Variants in GADL1 observed in about 807,000 individuals in gnomAD.
GADL1 encodes the protein GAD like acidic amino acid decarboxylase 1.
GADL1 carries 71 observed loss-of-function variants against 69.5 expected under a neutral mutation model. The ratio of observed to expected loss-of-function variants is 1.02; its 90% CI spans 0.84 to 1.25. The LOEUF (loss-of-function observed/expected upper bound fraction) is 1.25, where lower values mean the gene tolerates loss of function less well. Ranked by LOEUF, GADL1 falls within the 50% of genes most tolerant of loss-of-function variation. The pLI is 0.00. For missense variants in GADL1, 737 were observed against 631.8 expected (o/e 1.17, Z -1.79); for synonymous variants, 254 against 214.4 (o/e 1.18, Z -1.62).
At chr3:30,839,820 GAAGAA>G (rs1170546046) in intron 8 of GADL1, among the ~76,000 whole-genome samples, 1 of 152,052 alleles carries the variant, frequency 6.6e-6, no homozygotes, top group Non-Finnish European at 1.5e-5. Flanking sequence ...GGGAAATAGA[GAAGAA>G]AAGGGAGAAT....
chr3:30,779,939 A>C (rs1342590511), intron 13 of GADL1, among the ~76,000 whole-genome samples: 1 of 152,154 alleles, frequency 6.6e-6, no homozygotes, highest in East Asian at 1.9e-4. Context: ...GCTCACTTTC[A>C]TGGGTCTCCT....
intron 11 of GADL1, among the ~76,000 whole-genome samples, chr3:30,824,226 G>A (rs920341705): frequency 6.6e-6 from 1 of 151,440 alleles, no homozygotes; most frequent in African/African-American, 2.4e-5. Flanking sequence ...TATCATTAAA[G>A]GAATGACAGT....
rs1232647623 is a variant in GADL1 at position 30,786,410 on chromosome 3, A to G, written c.1251-4T>C. 1 of 1,398,302 alleles carries G rather than the reference A, an allele frequency of 7.2e-7. No homozygotes were observed. Among genetic ancestry groups the G allele is most frequent in the Non-Finnish European group, 1.0e-6 (1 of 986,244 alleles). The allele number at this position is 1,398,302 out of a possible 1,614,324, so 86.6% of individuals were successfully genotyped here. A position where few individuals can be genotyped will look rare whatever the true frequency, so the allele number is the denominator to read the frequency against. Reference sequence around the variant, plus strand: ...CTTGATTTCATCTACTAGGTACCTAAAATTAAAAGTCACAATAATATTTAT... The same window carrying G: ...CTTGATTTCATCTACTAGGTACCTAGAATTAAAAGTCACAATAATATTTAT... On this transcript the variant is annotated splice_polypyrimidine_tract_variant and splice_region_variant and intron_variant, in intron 12 of 14. Coordinates refer to ENST00000282538, the MANE Select transcript of GADL1 (RefSeq NM_207359.3).
intron 1 of GADL1, among the ~76,000 whole-genome samples, chr3:30,871,206 G>A (rs1698477442): frequency 6.6e-6 from 1 of 151,548 alleles, no homozygotes; most frequent in South Asian, 2.1e-4. Flanking sequence ...GAGTTCAGCT[G>A]TTACTTACTG....
At chr3:30,838,900 G>A in intron 9 of GADL1, 97 bp downstream of exon 9, 1 of 671,174 alleles carries the variant, frequency 1.5e-6, no homozygotes. Context: ...AAAAGCGTTG[G>A]GGACTCCACA....
chr3:30,786,542 C>G (rs2125499950), intron 12 of GADL1, 136 bp from the exon 13 acceptor site: 2 of 624,336 alleles, frequency 3.2e-6, no homozygotes, highest in East Asian at 2.8e-5. Flanking sequence ...ACAGGCAGAG[C>G]TATGGATAGA....
chr3:30,753,670 C>A (rs1370189600), intron 14 of GADL1, among the ~76,000 whole-genome samples: 1 of 152,136 alleles, frequency 6.6e-6, no homozygotes, highest in East Asian at 1.9e-4. Context: ...TAGAGAATCC[C>A]AGTTCATATT....
intron 11 of GADL1, among the ~76,000 whole-genome samples, chr3:30,814,234 C>T (rs553365091): frequency 1.3e-5 from 2 of 152,242 alleles, no homozygotes; most frequent in South Asian, 4.1e-4. Context: ...ATAATTTGAA[C>T]ACAAATCTTG....
chr3:30,776,264 T>C (rs916148635), intron 14 of GADL1, among the ~76,000 whole-genome samples: 14 of 152,206 alleles, frequency 9.2e-5, no homozygotes, highest in African/African-American at 3.4e-4. Flanking sequence ...ATTTCTAGCT[T>C]AGTGAGAAAA....
At position 30,844,223 on chromosome 3, in the gene GADL1, T is replaced by C; in HGVS notation, c.773A>G (p.Gln258Arg). Residue 258 changes from glutamine (Q) to arginine (R), a missense_variant, in exon 8 of 15, where the codon CAA (glutamine) becomes CGA (arginine). Coordinates refer to ENST00000282538, the MANE Select transcript of GADL1 (RefSeq NM_207359.3). ...IPEELEKQVWQARKEGAAPFL... is the reference protein window; with the variant it reads ...IPEELEKQVWRARKEGAAPFL... The stretch of plus-strand genomic sequence containing the variant: ...CTCCCCTCTCACCTCTTTTCTGGCT[T>C]GCCAGACTTGCTTCTCCAGTTCCTC... 6.2e-7 allele frequency: 1 copy of C among 1,612,786 alleles called. No homozygotes were observed. The highest frequency in any genetic ancestry group is 1.1e-5 in the South Asian group (1 of 90,848).
At chr3:30,728,439 G>A (rs12054099) in intron 14 of GADL1, 24 bp from the exon 15 acceptor site, 165,762 of 1,602,162 alleles carry the variant, frequency 0.1, 9,927 homozygotes, top group East Asian at 0.23. Context: ...AAAGGGGAGA[G>A]GGGTGAAAGA....
At chr3:30,763,706 G>T (rs376168722) in intron 14 of GADL1, among the ~76,000 whole-genome samples, 3 of 152,172 alleles carry the variant, frequency 2.0e-5, no homozygotes, top group East Asian at 3.9e-4. Flanking sequence ...CATCAAAATT[G>T]CAACAGTTTC....
chr3:30,738,753 A>T (rs377049627), intron 14 of GADL1, among the ~76,000 whole-genome samples: 9 of 152,304 alleles, frequency 5.9e-5, no homozygotes, highest in Non-Finnish European at 1.3e-4. Context: ...ACTGCCTATT[A>T]CAATAAGTGG....
rs546298082 is a variant in GADL1 at position 30,838,357 on chromosome 3, G to A, written c.903+640C>T. On this transcript the variant is annotated intron_variant, in intron 9 of 14. Coordinates refer to ENST00000282538, the MANE Select transcript of GADL1 (RefSeq NM_207359.3). ...ATTTTTAAAGTTACCTTCGATTTAAGGAAATATGTATTTTGAATAACCGCA... is the reference window on the plus strand; with the variant it reads ...ATTTTTAAAGTTACCTTCGATTTAAAGAAATATGTATTTTGAATAACCGCA... Among the ~76,000 whole-genome samples the A allele has an allele frequency of 2.8e-3, 426 of 152,206 alleles. 3 individuals are homozygous for A. Among genetic ancestry groups the A allele is most frequent in the African/African-American group, 9.7e-3 (402 of 41,552 alleles).
intron 14 of GADL1, among the ~76,000 whole-genome samples, chr3:30,768,281 A>G (rs942303746): frequency 1.3e-5 from 2 of 152,188 alleles, no homozygotes; most frequent in African/African-American, 4.8e-5. Context: ...TTACAATAGC[A>G]AAACCCTGGA....
intron 8 of GADL1, among the ~76,000 whole-genome samples, chr3:30,843,177 G>A (rs1026938755): frequency 1.3e-5 from 2 of 150,694 alleles, no homozygotes; most frequent in African/African-American, 2.4e-5. Flanking sequence ...AGCAGGCAGC[G>A]GTGGGATGGG....
chr3:30,731,365 C>A (rs984663660), intron 14 of GADL1, among the ~76,000 whole-genome samples: 10 of 152,104 alleles, frequency 6.6e-5, no homozygotes, highest in Non-Finnish European at 1.3e-4. Flanking sequence ...ATTTTTTCTC[C>A]CAAAATGGTA....
In GADL1 at chr3:30,854,719, G is replaced by A. The variant is rs772453879; in HGVS notation, c.408C>T (p.Thr136=). 4.3e-5 allele frequency: 67 copies of A among 1,547,792 alleles called. No homozygotes were observed. The highest frequency in any genetic ancestry group is 5.2e-5 in the Non-Finnish European group (60 of 1,144,042). The part of the protein sequence containing the change: ...DYYSLVARFM[T]EALNPSVYTY... Reference sequence around the variant, plus strand: ...CTTACACACTTGGATTCAATGCTTCGGTCATAAATCGGGCCACCAAGGAGT... The same window carrying A: ...CTTACACACTTGGATTCAATGCTTCAGTCATAAATCGGGCCACCAAGGAGT... Residue 136 remains threonine, a synonymous_variant, in exon 4 of 15, where the codon ACC becomes ACT. Transcript: ENST00000282538.
At chr3:30,753,033 C>G (rs777914690) in intron 14 of GADL1, among the ~76,000 whole-genome samples, 1 of 152,122 alleles carries the variant, frequency 6.6e-6, no homozygotes, top group African/African-American at 2.4e-5. Context: ...AGAGTCATAA[C>G]GGGCATCTTC....
Sources: gnomAD v4.1 joint callset for allele counts (sites outside exome capture counted in the v4.1 genomes callset) on GRCh38, gnomAD v4.1.1 for gene constraint, MANE v1.5 for transcripts, NCBI Gene and HGNC (gene_info 2026-07-23, HGNC 2026-07-21) for gene names.